ASZ1: variants seen among roughly 807,000 people sequenced by gnomAD.
The protein encoded by ASZ1 is ankyrin repeat, SAM and basic leucine zipper domain containing 1, also known as ankyrin repeat, SAM and basic leucine zipper domain-containing protein 1.
ASZ1 carries 67 observed loss-of-function variants against 61.8 expected under a neutral mutation model. The observed-to-expected ratio is 1.08, with a 90% confidence interval of 0.89 to 1.33. The LOEUF (loss-of-function observed/expected upper bound fraction) is 1.33. Ranked by LOEUF, ASZ1 falls within the 40% of genes most tolerant of loss-of-function variation. The pLI is 0.00. For synonymous variants in ASZ1, 193 were observed against 192.7 expected (o/e 1.00, Z -0.01); for missense variants, 577 against 554.5 (o/e 1.04, Z -0.41).
intron 2 of ASZ1, among the ~76,000 whole-genome samples, chr7:117,422,924 T>C (rs1381109591): frequency 6.6e-6 from 1 of 152,118 alleles, no homozygotes; most frequent in African/African-American, 2.4e-5. Flanking sequence ...ATATGTATTA[T>C]AAAGACAACA....
At chr7:117,374,880 T>C (rs966278003) in intron 10 of ASZ1, among the ~76,000 whole-genome samples, 8 of 152,034 alleles carry the variant, frequency 5.3e-5, no homozygotes, top group African/African-American at 1.7e-4. Context: ...TTTGGACTCA[T>C]ATGAAACCAA....
At chr7:117,378,577 A>T (rs1479694520) in intron 10 of ASZ1, among the ~76,000 whole-genome samples, 3 of 152,132 alleles carry the variant, frequency 2.0e-5, no homozygotes, top group African/African-American at 7.2e-5. Flanking sequence ...TAAGCTTGCT[A>T]GAAACATAAA....
In ASZ1 at chr7:117,380,863, G is replaced by A. The variant is rs73714639; in HGVS notation, c.945+148C>T. 16,720 of 684,768 alleles carry A rather than the reference G, an allele frequency of 0.024. 2,104 individuals carry two copies. In the African/African-American group the frequency reaches 0.28, roughly 11 times the overall value. 42.4% of individuals were successfully genotyped at this position (684,768 alleles called of 1,614,324 possible). A position where few individuals can be genotyped will look rare whatever the true frequency, so the allele number is the denominator to read the frequency against. On this transcript the variant is annotated intron_variant, in intron 9 of 12. Coordinates refer to ENST00000284629, the MANE Select transcript of ASZ1 (RefSeq NM_130768.3). ...AATACTAACACAAGATTTTAGATAC[G>A]GTTATCCATAATCATATCTAATCAA... is the stretch of plus-strand genomic sequence containing the variant.
At chr7:117,425,978 A>G (rs1797202376) in intron 2 of ASZ1, among the ~76,000 whole-genome samples, 2 of 151,542 alleles carry the variant, frequency 1.3e-5, no homozygotes, top group African/African-American at 4.8e-5. Flanking sequence ...AGGGCTAGAG[A>G]GAGACACTCC....
chr7:117,376,323 A>C (rs1270041034), intron 10 of ASZ1, among the ~76,000 whole-genome samples: 1 of 152,180 alleles, frequency 6.6e-6, no homozygotes, highest in African/African-American at 2.4e-5. Flanking sequence ...CTTCCCCCAC[A>C]AAATATCCAG....
chr7:117,400,755 T>C (rs1031763735), intron 4 of ASZ1, among the ~76,000 whole-genome samples: 3 of 152,040 alleles, frequency 2.0e-5, no homozygotes, highest in African/African-American at 4.8e-5. Context: ...TTCCCACAAA[T>C]AGCAGAGGAA....
intron 4 of ASZ1, among the ~76,000 whole-genome samples, chr7:117,402,399 G>T (rs1474698544): frequency 6.6e-6 from 1 of 152,148 alleles, no homozygotes; most frequent in Non-Finnish European, 1.5e-5. Flanking sequence ...TGTCACGTTG[G>T]CATGTTGTAA....
intron 2 of ASZ1, among the ~76,000 whole-genome samples, chr7:117,425,263 T>TC (rs1395447513): frequency 7.7e-6 from 1 of 130,544 alleles, no homozygotes; most frequent in African/African-American, 2.9e-5. Flanking sequence ...TAATTTCTTT[T>TC]TTTTTTTTTT....
chr7:117,427,350 C>A lies in ASZ1; in HGVS notation c.105+6G>T, dbSNP rs200853725. On this transcript the variant is annotated splice_donor_region_variant and intron_variant, in intron 1 of 12. Transcript: ENST00000284629. ...GGTGTGGTCAAGACAAGGCCTCCTC[C>A]GCTACCTGAGACGTCCGGTCGAGAT... The A allele has an allele frequency of 5.0e-6, 8 of 1,614,150 alleles. No homozygotes were observed. In the African/African-American group the frequency reaches 8.0e-5, roughly 16 times the overall value.
At chr7:117,395,391 C>G (rs1562853424) in intron 4 of ASZ1, among the ~76,000 whole-genome samples, 1 of 152,074 alleles carries the variant, frequency 6.6e-6, no homozygotes. Flanking sequence ...ATCATTTCAT[C>G]AAGTCAAAAC....
At chr7:117,385,632 A>T (rs1202135159) in intron 5 of ASZ1, 66 bp downstream of exon 5, 2 of 1,315,066 alleles carry the variant, frequency 1.5e-6, no homozygotes, top group Non-Finnish European at 2.1e-6. Context: ...ACTTCTTAAA[A>T]TTCTTTTTTT....
In ASZ1 at chr7:117,385,809, C is replaced by A. The variant is rs1264953136; in HGVS notation, c.441G>T (p.Arg147Ser). Residue 147 changes from arginine (R) to serine (S), a missense_variant and splice_region_variant, in exon 5 of 13, where the codon AGG becomes AGT. Arg to Ser is a moderately radical substitution (Grantham distance 110). Transcript: ENST00000284629. ...SRNADPNVAC[R>S]RLMTPIMYAA... is the part of the protein sequence containing the mutation. ...CATACATGATTGGGGTCATAAGTCT[C>A]CTAAGGAGGAGGAAGAAAGGAAACA... 1 of 1,604,176 alleles carries A rather than the reference C, an allele frequency of 6.2e-7. No homozygotes were observed. Among genetic ancestry groups the A allele is most frequent in the Non-Finnish European group, 8.5e-7 (1 of 1,172,736 alleles).
chr7:117,412,068 GTGTGTGTGTGTGAC>G (rs1796907404), intron 4 of ASZ1, among the ~76,000 whole-genome samples: 1 of 151,028 alleles, frequency 6.6e-6, no homozygotes, highest in African/African-American at 2.4e-5. Context: ...GTGTGTGTGT[GTGTGTGTGTGTGAC>G]TGTGTGTCTG....
At position 117,368,824 on chromosome 7, in the gene ASZ1, A is replaced by G. The variant is rs1184875832; in HGVS notation, c.1056-107T>C. On this transcript the variant is annotated intron_variant, in intron 10 of 12. Transcript: ENST00000284629. ...TCTAGTCATAAAATTAGATTCTTCC[A>G]AAAGAATTCATGGAATAGCTAATAC... 94 of 1,547,854 alleles carry G rather than the reference A, an allele frequency of 6.1e-5. 2 individuals carry two copies. In the South Asian group the frequency reaches 8.8e-4, roughly 15 times the overall value.
intron 4 of ASZ1, among the ~76,000 whole-genome samples, chr7:117,414,119 C>T (rs561068916): frequency 1.3e-3 from 198 of 152,066 alleles, no homozygotes; most frequent in African/African-American, 4.7e-3. Flanking sequence ...CAATCAGAGG[C>T]TCAGAAGGAG....
chr7:117,406,754 CA>C (rs57133101), intron 4 of ASZ1, among the ~76,000 whole-genome samples: 28,157 of 140,122 alleles, frequency 0.2, 2,749 homozygotes, highest in African/African-American at 0.23. Flanking sequence ...AACTCCATCT[CA>C]AAAAAAAAAA....
intron 2 of ASZ1, 92 bp from the exon 3 acceptor site, chr7:117,422,451 G>A (rs927561431): frequency 8.4e-6 from 11 of 1,307,628 alleles, no homozygotes; most frequent in East Asian, 2.5e-5. Context: ...GTAAAGTGAC[G>A]TACATCATGT....
chr7:117,367,204 T>C (rs1474738110), intron 12 of ASZ1, 148 bp downstream of exon 12: 3 of 521,248 alleles, frequency 5.8e-6, no homozygotes, highest in Non-Finnish European at 8.9e-6. Flanking sequence ...GTTTCCTGTG[T>C]ATATTTCTTC....
At chr7:117,372,637 A>G (rs1796069002) in intron 10 of ASZ1, among the ~76,000 whole-genome samples, 1 of 152,232 alleles carries the variant, frequency 6.6e-6, no homozygotes. Flanking sequence ...TAAAATTTAC[A>G]CTTTAAATAA....
Sources: gnomAD v4.1 joint callset for allele counts (sites outside exome capture counted in the v4.1 genomes callset) on GRCh38, gnomAD v4.1.1 for gene constraint, MANE v1.5 for transcripts, NCBI Gene and HGNC (gene_info 2026-07-23, HGNC 2026-07-21) for gene names.